PPP6R1: variants seen among roughly 807,000 people sequenced by gnomAD.
PPP6R1 encodes the protein protein phosphatase 6 regulatory subunit 1.
In PPP6R1, 39 loss-of-function variants were observed where a neutral mutation model predicts 104.6. That is an observed-to-expected ratio of 0.37 (90% CI 0.29 to 0.49). The LOEUF (loss-of-function observed/expected upper bound fraction) is 0.49. Among genes scored for constraint, PPP6R1 ranks in the 20% least tolerant of loss-of-function variants. The pLI is 0.98. For synonymous variants in PPP6R1, 549 were observed against 479.0 expected, an observed-to-expected ratio of 1.15 and a Z score of -1.91; for missense variants, 1,181 against 1,155.8, an observed-to-expected ratio of 1.02 and a Z score of -0.32.
chr19:55,243,409 A>G (rs2087477711), intron 5 of PPP6R1, among the ~76,000 whole-genome samples: 1 of 151,242 alleles, frequency 6.6e-6, no homozygotes, highest in African/African-American at 2.4e-5. Context: ...CATCTCAAAA[A>G]AAAAAAAAAA....
rs746835703 is a variant in PPP6R1 at position 55,239,694 on chromosome 19, G to A, written c.1564-11C>T. On this transcript the variant is annotated splice_polypyrimidine_tract_variant and intron_variant, in intron 13 of 23. Coordinates refer to ENST00000412770, the MANE Select transcript of PPP6R1 (RefSeq NM_014931.4). ...GTGGTGGGTGTTCACCTGGGGAGAGGAGGGGGCGTCAGGGCCTGCTGGAGC... is the reference window on the plus strand; with the variant it reads ...GTGGTGGGTGTTCACCTGGGGAGAGAAGGGGGCGTCAGGGCCTGCTGGAGC... 3.5e-5 allele frequency: 57 copies of A among 1,607,100 alleles called. No homozygotes were observed. Among genetic ancestry groups the A allele is most frequent in the Admixed American group, 1.4e-4 (8 of 59,108 alleles).
chr19:55,230,441 G>A lies in PPP6R1; in HGVS notation c.*87C>T, dbSNP rs1000668015. 1.3e-5 allele frequency: 21 copies of A among 1,572,342 alleles called. No individual in the cohort carries two copies. In the African/African-American group the frequency reaches 2.8e-4, roughly 21 times the overall value. ...GGGGTGTCAGGGTGATGAGGGCAAT[G>A]GGGGCCATCGTGGGACCCGCCCTGC... On this transcript the variant is annotated 3_prime_UTR_variant, in exon 24 of 24. Transcript: ENST00000412770.
chr19:55,236,316 A>T, intron 17 of PPP6R1: 1 of 262,950 alleles, frequency 3.8e-6, no homozygotes, highest in Non-Finnish European at 7.2e-6. Context: ...CACCATGCCC[A>T]TCTAACTTTT....
intron 1 of PPP6R1, among the ~76,000 whole-genome samples, chr19:55,254,943 T>C (rs2087581348): frequency 6.6e-6 from 1 of 152,202 alleles, no homozygotes; most frequent in African/African-American, 2.4e-5. Flanking sequence ...GTGTGCCGGC[T>C]GCAGAATCCG....
At chr19:55,230,750 C>G (rs760940396) in intron 22 of PPP6R1, 24 bp downstream of exon 22, 1 of 1,473,478 alleles carries the variant, frequency 6.8e-7, no homozygotes, top group Non-Finnish European at 9.1e-7. Context: ...CCCCACCCCC[C>G]CGCCCTGCTG....
At chr19:55,257,282 C>G (rs893804863) in intron 1 of PPP6R1, among the ~76,000 whole-genome samples, 2 of 152,190 alleles carry the variant, frequency 1.3e-5, no homozygotes, top group African/African-American at 4.8e-5. Context: ...GTTAGACCCT[C>G]GCCCTTGGGC....
In PPP6R1 at chr19:55,232,220, G is replaced by A. The variant is rs2087355990; in HGVS notation, c.1989-9C>T. 6.5e-7 allele frequency: 1 copy of A among 1,537,486 alleles called. No homozygotes were observed. Among genetic ancestry groups the A allele is most frequent in the Non-Finnish European group, 8.8e-7 (1 of 1,138,694 alleles). On this transcript the variant is annotated splice_polypyrimidine_tract_variant and intron_variant, in intron 17 of 23. Transcript: ENST00000412770. ...CTGTGCTGCCTCCACTCCTGCCCCA[G>A]AAACCACCTCGTCAGCTAGCTGTGT...
intron 1 of PPP6R1, among the ~76,000 whole-genome samples, chr19:55,249,969 C>T (rs2087540669): frequency 3.3e-5 from 5 of 152,216 alleles, no homozygotes; most frequent in African/African-American, 1.2e-4. Context: ...GACCTCCATG[C>T]CCACGGTGAC....
At position 55,230,765 on chromosome 19, in the gene PPP6R1, G is replaced by C; in HGVS notation, c.2570+9C>G. ...CCCCACCCCCCCGCCCTGCTGCCCT[G>C]GTGCTCACCTCTGGCTTTGGGGAAG... On this transcript the variant is annotated intron_variant, in intron 22 of 23. Coordinates refer to ENST00000412770, the MANE Select transcript of PPP6R1 (RefSeq NM_014931.4). The C allele has an allele frequency of 2.1e-6, 2 of 952,840 alleles. No individual in the cohort carries two copies. Among genetic ancestry groups the C allele is most frequent in the African/African-American group, 3.6e-5 (2 of 55,688 alleles). 59.0% of individuals were successfully genotyped at this position (952,840 alleles called of 1,614,324 possible).
Position 55,241,739 on chromosome 19 carries a change from CGAG to C in PPP6R1, c.846-103_846-101del. On this transcript the variant is annotated intron_variant, in intron 7 of 23. Coordinates refer to ENST00000412770, the MANE Select transcript of PPP6R1 (RefSeq NM_014931.4). This position sits in a 1 kb window ranked among gnomAD's most constrained non-coding sequence, Gnocchi z 5.4. ...CACGTCTGCAGGGTCTGGAGGAAAACGAGGAGCCACATGCCCCCAGCGCCGCTC... is the reference window on the plus strand; with the variant it reads ...CACGTCTGCAGGGTCTGGAGGAAAACGAGCCACATGCCCCCAGCGCCGCTC... 1 of 1,365,696 alleles carries C rather than the reference CGAG, an allele frequency of 7.3e-7. No homozygotes were observed. Among genetic ancestry groups the C allele is most frequent in the Non-Finnish European group, 9.8e-7 (1 of 1,022,532 alleles). The allele number at this position is 1,365,696 out of a possible 1,614,324, so 84.6% of individuals were successfully genotyped here. A position where few individuals can be genotyped will look rare whatever the true frequency, so the allele number is the denominator to read the frequency against.
At chr19:55,242,806 A>C (rs1336191015) in intron 5 of PPP6R1, among the ~76,000 whole-genome samples, 1 of 152,242 alleles carries the variant, frequency 6.6e-6, no homozygotes, top group Admixed American at 6.5e-5. Context: ...AAGCTGGTCT[A>C]TCCACACAGG....
intron 1 of PPP6R1, among the ~76,000 whole-genome samples, chr19:55,255,245 G>A (rs562371365): frequency 2.6e-5 from 4 of 152,336 alleles, no homozygotes; most frequent in Admixed American, 6.5e-5. Flanking sequence ...GGACTGGGAC[G>A]GGGACTTGAA....
intron 12 of PPP6R1, 27 bp downstream of exon 12, chr19:55,239,972 C>A: frequency 6.2e-7 from 1 of 1,610,436 alleles, no homozygotes; most frequent in Non-Finnish European, 8.5e-7. Flanking sequence ...CCCCACCTAG[C>A]CCTCAGGCCG....
chr19:55,254,369 C>T (rs1236850086), intron 1 of PPP6R1, among the ~76,000 whole-genome samples: 1 of 152,228 alleles, frequency 6.6e-6, no homozygotes, highest in Non-Finnish European at 1.5e-5. Context: ...ACCAGCTCTG[C>T]ACTATTGCCT....
chr19:55,256,579 G>A (rs781235314), intron 1 of PPP6R1, among the ~76,000 whole-genome samples: 1 of 152,218 alleles, frequency 6.6e-6, no homozygotes, highest in Non-Finnish European at 1.5e-5. Context: ...GGGAGGCTAG[G>A]TAGGAGGACT....
intron 1 of PPP6R1, 115 bp from the exon 2 acceptor site, chr19:55,247,224 C>T (rs1341500959): frequency 1.8e-6 from 2 of 1,101,746 alleles, no homozygotes; most frequent in South Asian, 1.4e-5. Flanking sequence ...TCCCCAAGTC[C>T]CAGCCCTCTG....
intron 5 of PPP6R1, among the ~76,000 whole-genome samples, chr19:55,242,843 G>A (rs2087470992): frequency 6.6e-6 from 1 of 152,216 alleles, no homozygotes. Context: ...AGGAAAAGGA[G>A]TGAAACTGAT....
At chr19:55,244,420 G>A (rs115428012) in intron 5 of PPP6R1, among the ~76,000 whole-genome samples, 5 of 152,232 alleles carry the variant, frequency 3.3e-5, no homozygotes, top group East Asian at 3.9e-4. Flanking sequence ...ATGTGAGGGC[G>A]CTTGAAAGCA....
intron 1 of PPP6R1, among the ~76,000 whole-genome samples, chr19:55,256,047 T>G (rs1318411789): frequency 6.6e-6 from 1 of 152,148 alleles, no homozygotes; most frequent in Admixed American, 6.5e-5. Context: ...GAGAAAGGTG[T>G]TCTGTTAAGA....
Sources: gnomAD v4.1 joint callset for allele counts (sites outside exome capture counted in the v4.1 genomes callset) on GRCh38, gnomAD v4.1.1 for gene constraint, Gnocchi (gnomAD v3.1) non-coding constraint, MANE v1.5 for transcripts, NCBI Gene and HGNC (gene_info 2026-07-23, HGNC 2026-07-21) for gene names.